The following ANGEL2 variants were observed in gnomAD, a reference collection of about 807,000 sequenced individuals.
ANGEL2 encodes the protein angel homolog 2.
Under a neutral mutation model 66.0 loss-of-function variants are expected in ANGEL2, and 41 were observed. The ratio of observed to expected loss-of-function variants is 0.62; its 90% CI spans 0.48 to 0.81. ANGEL2 has a LOEUF of 0.81. Ranked by LOEUF, ANGEL2 falls within the 30% of genes least tolerant of loss-of-function variation. The pLI is 0.00. For synonymous variants in ANGEL2, 208 were observed against 226.5 expected, an observed-to-expected ratio of 0.92 and a Z score of 0.73; for missense variants, 561 against 641.6, an observed-to-expected ratio of 0.87 and a Z score of 1.36.
At position 213,013,183 on chromosome 1, in the gene ANGEL2, TGTCAG is replaced by T; in HGVS notation, c.290_294del (p.Pro97GlnfsTer12). ...TGAATCAAAGATGTCTGGCTCAGGT[TGTCAG>T]GTCTCCAGTTACAGTACTGGAACTG... is the stretch of plus-strand genomic sequence containing the variant. On this transcript the variant is annotated frameshift_variant, in exon 2 of 9. Transcript: ENST00000366962. LOFTEE classifies it high-confidence loss of function. The T allele has an allele frequency of 3.1e-6, 5 of 1,614,184 alleles. No individual in the cohort carries two copies. The highest frequency in any genetic ancestry group is 4.2e-6 in the Non-Finnish European group (5 of 1,180,014).
rs2075955707 is a variant in ANGEL2, at chr1:212,994,948, G to A, written c.*93C>T. 3 of 1,201,136 alleles carry A rather than the reference G, an allele frequency of 2.5e-6. No individual in the cohort carries two copies. The highest frequency in any genetic ancestry group is 2.8e-5 in the East Asian group (1 of 35,942). The allele number at this position is 1,201,136 out of a possible 1,614,324, so 74.4% of individuals were successfully genotyped here. On this transcript the variant is annotated 3_prime_UTR_variant, in exon 9 of 9. Transcript: ENST00000366962. Reference sequence around the variant, plus strand: ...ATAACCGCTTCAGAATCTCCACAGTGCAAAAATAAACAACATGCATACACT... The same window carrying A: ...ATAACCGCTTCAGAATCTCCACAGTACAAAAATAAACAACATGCATACACT...
At chr1:213,001,250 T>C in intron 5 of ANGEL2, 2 of 244,756 alleles carry the variant, frequency 8.2e-6, no homozygotes, top group South Asian at 1.0e-4. Context: ...TGCTCACAGG[T>C]ACTGCGGGTT....
rs2076298604 is a variant in ANGEL2, at chr1:213,005,451, T to A, written c.716A>T (p.Tyr239Phe). The change falls in exon 5 of 9, where the codon TAT becomes TTT. Residue 239 changes from tyrosine (Y) to phenylalanine (F), a missense_variant. Transcript: ENST00000366962. ...EIRPSLESLG[Y>F]HCEYKMRTGR... Reference sequence around the variant, plus strand: ...TGTCCGCATCTTATATTCACAGTGATAACCTACAAGAAACAAATGAATTTA... The same window carrying A: ...TGTCCGCATCTTATATTCACAGTGAAAACCTACAAGAAACAAATGAATTTA... The A allele has an allele frequency of 6.3e-7, 1 of 1,583,118 alleles. No homozygotes were observed.
In ANGEL2 at chr1:213,008,436, C is replaced by T; in HGVS notation, c.416G>A (p.Cys139Tyr). 1.2e-6 allele frequency: 2 copies of T among 1,613,660 alleles called. No individual in the cohort carries two copies. Among genetic ancestry groups the T allele is most frequent in the South Asian group, 1.1e-5 (1 of 91,030 alleles). ...CTTCGTTTTTTCTTTATCATGGCTA[C>T]ATATATATTCCCAATTCCGCTTTAT... ...GVIKRNWEYI[C>Y]SHDKEKTKIL... Residue 139 changes from cysteine to tyrosine, a missense_variant, in exon 3 of 9, where the codon TGT becomes TAT. Transcript: ENST00000366962.
rs57074241 is a variant in ANGEL2 at position 213,005,943 on chromosome 1, T to C, written c.713-489A>G. Among the ~76,000 whole-genome samples, 50 of 152,294 alleles carry C rather than the reference T, an allele frequency of 3.3e-4. No homozygotes were observed. In the East Asian group the frequency reaches 9.1e-3, roughly 28 times the overall value. On this transcript the variant is annotated intron_variant, in intron 4 of 8. Transcript: ENST00000366962. ...AAATATTTGTTCAAATGTCACCTCG[T>C]CTGATCATTTTGTTTAAAACTGAAA... is the stretch of plus-strand genomic sequence containing the variant.
chr1:213,014,794 T>A (rs1188439783), intron 1 of ANGEL2, among the ~76,000 whole-genome samples: 1 of 152,256 alleles, frequency 6.6e-6, no homozygotes, highest in Non-Finnish European at 1.5e-5. Context: ...GTCCCAGGCC[T>A]ATGGGAGTTA....
At chr1:212,997,817 T>C (rs948833832) in intron 7 of ANGEL2, among the ~76,000 whole-genome samples, 3 of 152,200 alleles carry the variant, frequency 2.0e-5, no homozygotes, top group Non-Finnish European at 4.4e-5. Context: ...TATGTGATGT[T>C]ATGAGTAAAA....
intron 8 of ANGEL2, among the ~76,000 whole-genome samples, 159 bp downstream of exon 8, chr1:212,996,996 G>A (rs2076042631): frequency 6.6e-6 from 1 of 152,072 alleles, no homozygotes; most frequent in Admixed American, 6.6e-5. Flanking sequence ...GTAATCAACT[G>A]ATTTATTCAA....
intron 2 of ANGEL2, among the ~76,000 whole-genome samples, chr1:213,010,830 T>C (rs1245693625): frequency 5.9e-5 from 9 of 152,250 alleles, no homozygotes; most frequent in Admixed American, 4.6e-4. Context: ...TAATGGCATA[T>C]AAATGCATTA....
At position 213,003,938 on chromosome 1, in the gene ANGEL2, G is replaced by A. The variant is rs1470900942; in HGVS notation, c.1134+1095C>T. Among the ~76,000 whole-genome samples the A allele has an allele frequency of 2.6e-5, 4 of 152,282 alleles. 1 individual carries two copies. The highest frequency in any genetic ancestry group is 3.9e-4 in the East Asian group (2 of 5,176). Reference sequence around the variant, plus strand: ...TTATTGGCTGGGCATGGTGGCTCACGCCTGTAATCCCAGCACTTTGGGAGG... The same window carrying A: ...TTATTGGCTGGGCATGGTGGCTCACACCTGTAATCCCAGCACTTTGGGAGG... On this transcript the variant is annotated intron_variant, in intron 5 of 8. Coordinates refer to ENST00000366962, the MANE Select transcript of ANGEL2 (RefSeq NM_144567.5).
At chr1:212,995,436 T>C (rs1038212008) in intron 8 of ANGEL2, among the ~76,000 whole-genome samples, 1 of 152,160 alleles carries the variant, frequency 6.6e-6, no homozygotes, top group Non-Finnish European at 1.5e-5. Context: ...TAGAAGAAAA[T>C]ATAAATGAAA....
intron 5 of ANGEL2, among the ~76,000 whole-genome samples, chr1:213,004,293 A>C (rs2076257737): frequency 6.6e-6 from 1 of 152,236 alleles, no homozygotes; most frequent in Non-Finnish European, 1.5e-5. Context: ...AATGATCTAA[A>C]GTAAGGAGAG....
chr1:213,002,507 A>C (rs1421142907), intron 5 of ANGEL2, among the ~76,000 whole-genome samples: 2 of 152,220 alleles, frequency 1.3e-5, no homozygotes, highest in African/African-American at 4.8e-5. Flanking sequence ...GTAACAAGCT[A>C]TATTAGCTCC....
chr1:213,000,697 A>T (rs187943842), intron 6 of ANGEL2, 89 bp downstream of exon 6: 14 of 1,393,988 alleles, frequency 1.0e-5, no homozygotes, highest in Non-Finnish European at 1.3e-5. Flanking sequence ...TTCATCCCTG[A>T]GATTTTTTCT....
intron 3 of ANGEL2, among the ~76,000 whole-genome samples, 199 bp from the exon 4 acceptor site, chr1:213,007,397 G>GC (rs1174654615): frequency 3.0e-4 from 45 of 152,142 alleles, no homozygotes; most frequent in African/African-American, 1.0e-3. Flanking sequence ...CAAAACTCTG[G>GC]CCCTCAATCA....
At position 213,005,344 on chromosome 1, in the gene ANGEL2, GGAA is replaced by G. The variant is rs2076294778; in HGVS notation, c.820_822del (p.Phe274del). 4 of 1,614,074 alleles carry G rather than the reference GGAA, an allele frequency of 2.5e-6. No individual in the cohort carries two copies. The highest frequency in any genetic ancestry group is 2.5e-6 in the Non-Finnish European group (3 of 1,180,046). ...CTGTCCAACAGAGAAATATCAGGGCGGAAGAATTCCACTGGGTTCACTGACAAG... is the reference window on the plus strand; with the variant it reads ...CTGTCCAACAGAGAAATATCAGGGCGGAATTCCACTGGGTTCACTGACAAG... On this transcript the variant is annotated inframe_deletion, in exon 5 of 9. Transcript: ENST00000366962.
intron 5 of ANGEL2, chr1:213,001,540 A>T (rs1307274955): frequency 6.6e-6 from 1 of 152,230 alleles, no homozygotes; most frequent in Non-Finnish European, 1.5e-5. Context: ...ATGGTTGCTT[A>T]AAGTGGGGGT....
chr1:213,010,378 T>G (rs1274199065), intron 2 of ANGEL2, among the ~76,000 whole-genome samples: 1 of 151,742 alleles, frequency 6.6e-6, no homozygotes. Context: ...AAGACCATCC[T>G]GGCTAACACC....
At chr1:213,011,568 T>A in intron 2 of ANGEL2, 12 of 710,982 alleles carry the variant, frequency 1.7e-5, no homozygotes, top group Non-Finnish European at 1.9e-5. Context: ...TCTGAGTACC[T>A]ACTATGAAGC....
Sources: gnomAD v4.1 joint callset for allele counts (sites outside exome capture counted in the v4.1 genomes callset) on GRCh38, gnomAD v4.1.1 for gene constraint, MANE v1.5 for transcripts, NCBI Gene and HGNC (gene_info 2026-07-23, HGNC 2026-07-21) for gene names.